ADARB2: variants seen among roughly 807,000 people sequenced by gnomAD.
ADARB2 encodes the protein inactive double-stranded RNA-specific editase B2.
ADARB2 carries 25 observed loss-of-function variants against 62.2 expected under a neutral mutation model. That is an observed-to-expected ratio of 0.40 (90% CI 0.29 to 0.56). The LOEUF is 0.56. Ranked by LOEUF, ADARB2 falls within the 20% of genes least tolerant of loss-of-function variation. The pLI is 0.43. For missense variants in ADARB2, 1,071 were observed against 1,077.4 expected (o/e 0.99, Z 0.08); for synonymous variants, 572 against 500.8 (o/e 1.14, Z -1.90).
At chr10:1,670,583 T>C (rs1175601016) in intron 1 of ADARB2, among the ~76,000 whole-genome samples, 5 of 152,094 alleles carry the variant, frequency 3.3e-5, no homozygotes, top group African/African-American at 1.2e-4. Context: ...CTGCCACACA[T>C]ACCAGCAGCC....
intron 3 of ADARB2, among the ~76,000 whole-genome samples, chr10:1,343,964 C>T (rs1327939791): frequency 6.6e-6 from 1 of 152,144 alleles, no homozygotes; most frequent in Non-Finnish European, 1.5e-5. Context: ...GTACACCAAA[C>T]CCCCACAACA....
intron 1 of ADARB2, among the ~76,000 whole-genome samples, chr10:1,510,112 CTTTCTTTCTT>C (rs1831910077): frequency 1.4e-5 from 1 of 72,646 alleles, no homozygotes; most frequent in Admixed American, 1.4e-4. Context: ...TTCTTTCTCT[CTTTCTTTCTT>C]TCTTTCTTTC....
At chr10:1,577,808 C>T (rs1459251020) in intron 1 of ADARB2, among the ~76,000 whole-genome samples, 4 of 152,292 alleles carry the variant, frequency 2.6e-5, no homozygotes, top group African/African-American at 7.2e-5. Flanking sequence ...ATTTGGAGAT[C>T]GGGATCTTCA....
chr10:1,672,741 GCCTC>G (rs564043810), intron 1 of ADARB2, among the ~76,000 whole-genome samples: 129 of 85,520 alleles, frequency 1.5e-3, no homozygotes, highest in Middle Eastern at 5.7e-3. Context: ...CAAGGCTCCT[GCCTC>G]CCTCCCTCCA....
At chr10:1,385,724 T>C (rs554528465) in intron 1 of ADARB2, among the ~76,000 whole-genome samples, 1 of 152,306 alleles carries the variant, frequency 6.6e-6, no homozygotes, top group Non-Finnish European at 1.5e-5. Flanking sequence ...GAAAATATAC[T>C]TTAAATAATA....
intron 1 of ADARB2, among the ~76,000 whole-genome samples, chr10:1,464,280 C>T (rs1831218165): frequency 7.5e-6 from 1 of 133,298 alleles, no homozygotes; most frequent in Non-Finnish European, 1.7e-5. Context: ...CTCCCCCACA[C>T]ACGCGCTGGG....
intron 1 of ADARB2, among the ~76,000 whole-genome samples, chr10:1,559,568 C>A (rs916862006): frequency 6.6e-6 from 1 of 152,164 alleles, no homozygotes; most frequent in African/African-American, 2.4e-5. Flanking sequence ...TGCTGACAAG[C>A]AGATCCTAGT....
intron 7 of ADARB2, among the ~76,000 whole-genome samples, chr10:1,203,076 G>T (rs1837008275): frequency 6.6e-6 from 1 of 152,190 alleles, no homozygotes. Flanking sequence ...AGAATTTTCA[G>T]CATTCAGGAT....
At chr10:1,644,734 G>C (rs1048769444) in intron 1 of ADARB2, among the ~76,000 whole-genome samples, 3 of 152,270 alleles carry the variant, frequency 2.0e-5, no homozygotes, top group African/African-American at 7.2e-5. Context: ...CACTTGTAAG[G>C]AGGGTGGGAA....
intron 1 of ADARB2, among the ~76,000 whole-genome samples, chr10:1,687,811 G>A (rs771734150): frequency 4.0e-5 from 6 of 151,152 alleles, no homozygotes; most frequent in Non-Finnish European, 5.9e-5. Context: ...CTTGCTGGCC[G>A]GGGGGGAAAA....
intron 1 of ADARB2, among the ~76,000 whole-genome samples, chr10:1,648,289 C>T (rs1174484379): frequency 6.6e-6 from 1 of 152,068 alleles, no homozygotes; most frequent in East Asian, 1.9e-4. Context: ...GGATTTATCT[C>T]GAACCCTTTC....
chr10:1,310,016 G>C (rs4880496), intron 3 of ADARB2, among the ~76,000 whole-genome samples: 63,670 of 152,088 alleles, frequency 0.42, 14,574 homozygotes, highest in East Asian at 0.64. Flanking sequence ...TGCTCTCTGG[G>C]TCTTCATGTG....
At chr10:1,392,508 G>A (rs1832578777) in intron 1 of ADARB2, among the ~76,000 whole-genome samples, 1 of 152,114 alleles carries the variant, frequency 6.6e-6, no homozygotes, top group South Asian at 2.1e-4. Flanking sequence ...GTGGACAGGT[G>A]GAATGCCCTG....
chr10:1,509,378 C>A (rs1292201463), intron 1 of ADARB2, among the ~76,000 whole-genome samples: 1 of 152,048 alleles, frequency 6.6e-6, no homozygotes, highest in African/African-American at 2.4e-5. Flanking sequence ...AAATTTAGCT[C>A]GATGCTTTCT....
chr10:1,266,631 A>T (rs956658575), intron 4 of ADARB2, among the ~76,000 whole-genome samples: 2 of 152,168 alleles, frequency 1.3e-5, no homozygotes, highest in African/African-American at 4.8e-5. Flanking sequence ...ACCACCGCAG[A>T]AGACACCAGG....
In ADARB2 at chr10:1,233,822, C is replaced by A. The variant is rs139936295; in HGVS notation, c.1385G>T (p.Arg462Leu). ...HLSKRREDSE[R>L]SIFVRLKEGG... is the part of the protein sequence containing the mutation. ...TTCTTTTAACCGCACGAATATCGAT[C>A]GCTCTGAGTCCTCGCGCCGCTTGCT... The change falls in exon 6 of 10, where the codon CGA (arginine) becomes CTA (leucine). Residue 462 changes from arginine to leucine, a missense_variant. Arg to Leu is a moderately radical substitution (Grantham distance 102, BLOSUM62 -2). Coordinates refer to ENST00000381312, the MANE Select transcript of ADARB2 (RefSeq NM_018702.4). The A allele has an allele frequency of 6.2e-7, 1 of 1,613,972 alleles. No individual in the cohort carries two copies. Among genetic ancestry groups the A allele is most frequent in the African/African-American group, 1.3e-5 (1 of 74,998 alleles).
At chr10:1,475,583 C>T (rs911357933) in intron 1 of ADARB2, among the ~76,000 whole-genome samples, 1 of 152,206 alleles carries the variant, frequency 6.6e-6, no homozygotes, top group Admixed American at 6.5e-5. Context: ...AGGAGACACA[C>T]GTCAGGAAGA....
intron 3 of ADARB2, among the ~76,000 whole-genome samples, chr10:1,331,694 T>C (rs12266924): frequency 0.026 from 3,948 of 152,328 alleles, 135 homozygotes; most frequent in African/African-American, 0.08. Context: ...TAAAGACCTT[T>C]GAATTGTACT....
chr10:1,203,871 G>T (rs372030418), intron 7 of ADARB2, among the ~76,000 whole-genome samples: 1 of 152,186 alleles, frequency 6.6e-6, no homozygotes, highest in Non-Finnish European at 1.5e-5. Flanking sequence ...CACCTGAGAA[G>T]TTGATAGAAA....
Sources: gnomAD v4.1 joint callset for allele counts (sites outside exome capture counted in the v4.1 genomes callset) on GRCh38, gnomAD v4.1.1 for gene constraint, MANE v1.5 for transcripts, NCBI Gene and HGNC (gene_info 2026-07-23, HGNC 2026-07-21) for gene names.